Variants in RIMKLB observed in about 807,000 individuals in gnomAD.
The protein encoded by RIMKLB is ribosomal modification protein rimK like family member B.
A neutral mutation model predicts 32.0 loss-of-function variants in RIMKLB; 7 were observed. That is an observed-to-expected ratio of 0.22 (90% confidence interval 0.12 to 0.41). The LOEUF (loss-of-function observed/expected upper bound fraction) is 0.41, where lower values mean the gene tolerates loss of function less well. RIMKLB is among the 10% of genes least tolerant of loss of function. The probability of loss-of-function intolerance (pLI) is 1.00; values close to 1 mark genes in which losing one functional copy is unlikely to be tolerated. For missense variants in RIMKLB, 289 were observed against 498.7 expected, an observed-to-expected ratio of 0.58 and a Z score of 4.00; for synonymous variants, 172 against 185.1, an observed-to-expected ratio of 0.93 and a Z score of 0.57.
chr12:8,769,809 G>A (rs1009662446), intron 5 of RIMKLB, among the ~76,000 whole-genome samples: 1 of 152,006 alleles, frequency 6.6e-6, no homozygotes, highest in Non-Finnish European at 1.5e-5. Context: ...TGAAGTCTTT[G>A]GAATACCTTT....
At chr12:8,708,264 G>A (rs74059969) in intron 1 of RIMKLB, among the ~76,000 whole-genome samples, 5,254 of 152,046 alleles carry the variant, frequency 0.035, 291 homozygotes, top group African/African-American at 0.12. Flanking sequence ...CTTAGTAAGA[G>A]GTACCTTAAT....
upstream of RIMKLB, among the ~76,000 whole-genome samples, chr12:8,676,715 A>G (rs143198400): frequency 9.0e-4 from 137 of 152,116 alleles, 1 homozygote; most frequent in African/African-American, 3.2e-3. Context: ...CTTTTAAATT[A>G]TATTTATTTT....
At chr12:8,672,760 C>T in the RIMKLB span, among the ~76,000 whole-genome samples, 1 of 152,180 alleles carries the variant, frequency 6.6e-6, no homozygotes, top group African/African-American at 2.4e-5. Flanking sequence ...ACCTCCCCGC[C>T]TCCCCGTGCT....
chr12:8,754,336 C>A (rs1673695818), intron 5 of RIMKLB, among the ~76,000 whole-genome samples: 1 of 152,138 alleles, frequency 6.6e-6, no homozygotes, highest in South Asian at 2.1e-4. Flanking sequence ...CAATTTGTAA[C>A]CCAATTTACA....
intron 1 of RIMKLB, among the ~76,000 whole-genome samples, chr12:8,699,534 A>G (rs1411680294): frequency 2.6e-5 from 4 of 152,188 alleles, no homozygotes; most frequent in Admixed American, 6.5e-5. Flanking sequence ...GCAACCCTCT[A>G]ATTTTAAAAA....
At chr12:8,719,840 A>G (rs1294810376) in intron 2 of RIMKLB, among the ~76,000 whole-genome samples, 1 of 152,246 alleles carries the variant, frequency 6.6e-6, no homozygotes, top group African/African-American at 2.4e-5. Flanking sequence ...CATAAAGGAC[A>G]ATGTACAAGG....
the RIMKLB span, among the ~76,000 whole-genome samples, chr12:8,669,712 C>T: frequency 2.6e-5 from 4 of 151,772 alleles, no homozygotes; most frequent in East Asian, 7.7e-4. Flanking sequence ...AGGGACAGGA[C>T]AGAAGGAAGA....
intron 1 of RIMKLB, among the ~76,000 whole-genome samples, chr12:8,703,112 C>G (rs1474511806): frequency 6.6e-6 from 1 of 152,078 alleles, no homozygotes; most frequent in East Asian, 1.9e-4. Flanking sequence ...ATGGCGAAAA[C>G]CCATGTCTAC....
At chr12:8,744,285 T>C (rs1321702533) in intron 2 of RIMKLB, among the ~76,000 whole-genome samples, 1 of 151,918 alleles carries the variant, frequency 6.6e-6, no homozygotes, top group African/African-American at 2.4e-5. Flanking sequence ...ACAGGAGGCA[T>C]TGAATTTCTT....
chr12:8,773,552 G>A lies in RIMKLB; in HGVS notation c.929G>A (p.Gly310Asp), dbSNP rs776230676. Reference protein sequence around the residue: ...ADYAASLLPSGRLTRRMSLLS... With the variant: ...ADYAASLLPSDRLTRRMSLLS... ...TATGCCGCCTCCCTTCTACCCTCTG[G>A]CCGGCTCACCCGGCGTATGTCCCTG... is the stretch of plus-strand genomic sequence containing the variant. The change falls in exon 6 of 6, where the codon GGC (glycine) becomes GAC (aspartate). Residue 310 changes from glycine (G) to aspartate (D), a missense_variant. Coordinates refer to ENST00000535829, the MANE Select transcript of RIMKLB (RefSeq NM_001297776.2). The A allele has an allele frequency of 1.2e-6, 2 of 1,614,204 alleles. No homozygotes were observed. Among genetic ancestry groups the A allele is most frequent in the Non-Finnish European group, 1.7e-6 (2 of 1,180,040 alleles).
At chr12:8,743,382 G>A (rs999415136) in intron 2 of RIMKLB, among the ~76,000 whole-genome samples, 3 of 145,724 alleles carry the variant, frequency 2.1e-5, no homozygotes, top group African/African-American at 8.0e-5. Flanking sequence ...AAAAAATTCC[G>A]GAAGTCCTAA....
chr12:8,738,441 C>G (rs1290899889), intron 2 of RIMKLB, among the ~76,000 whole-genome samples: 1 of 152,134 alleles, frequency 6.6e-6, no homozygotes, highest in Non-Finnish European at 1.5e-5. Context: ...TAATAACGAG[C>G]TGTTTCTTAG....
At chr12:8,687,058 C>T (rs1359418973) in intron 1 of RIMKLB, among the ~76,000 whole-genome samples, 7 of 152,170 alleles carry the variant, frequency 4.6e-5, no homozygotes, top group African/African-American at 1.7e-4. Flanking sequence ...TCATTAAATG[C>T]AGGCTTTCTT....
At chr12:8,755,750 G>T (rs1477899981) in intron 5 of RIMKLB, among the ~76,000 whole-genome samples, 1 of 152,096 alleles carries the variant, frequency 6.6e-6, no homozygotes, top group Non-Finnish European at 1.5e-5. Context: ...GGCTCACACT[G>T]GTAATCCCAA....
At chr12:8,677,936 T>G (rs1351267625), upstream of RIMKLB, among the ~76,000 whole-genome samples, 1 of 94,784 alleles carries the variant, frequency 1.1e-5, no homozygotes, top group East Asian at 1.9e-4. Flanking sequence ...TTTATTATAT[T>G]TATTTATTTA....
chr12:8,718,659 A>ATGTGTGTGTGTGTG (rs1213938637), intron 2 of RIMKLB, among the ~76,000 whole-genome samples: 177 of 119,332 alleles, frequency 1.5e-3, no homozygotes, highest in African/African-American at 5.4e-3. Context: ...CTCTCTATAT[A>ATGTGTGTGTGTGTG]TATATATATA....
intron 1 of RIMKLB, among the ~76,000 whole-genome samples, chr12:8,682,877 C>G (rs935618278): frequency 6.7e-6 from 1 of 149,998 alleles, no homozygotes; most frequent in East Asian, 2.0e-4. Flanking sequence ...CTCAGGTGAT[C>G]CGCCGGCCTC....
At position 8,751,998 on chromosome 12, in the gene RIMKLB, G is replaced by C; in HGVS notation, c.448G>C (p.Val150Leu). ...TGCTAAAATGATTGATGAGGCTGAA[G>C]TTCTGGAGTTCCCAATGGTAGTAAA... is the stretch of plus-strand genomic sequence containing the variant. ...NFAKMIDEAE[V>L]LEFPMVVKNT... The change falls in exon 4 of 6, where the codon GTT (valine) becomes CTT (leucine). Residue 150 changes from valine to leucine, a missense_variant. Val to Leu is a conservative substitution (Grantham distance 32, BLOSUM62 1). This residue lies in a region of RIMKLB where 156 missense variants were observed against 329.5 expected (regional missense o/e 0.47). Transcript: ENST00000535829. 6.2e-7 allele frequency: 1 copy of C among 1,613,756 alleles called. No homozygotes were observed. The highest frequency in any genetic ancestry group is 2.2e-5 in the East Asian group (1 of 44,862).
chr12:8,674,223 T>C, the RIMKLB span, among the ~76,000 whole-genome samples: 1 of 103,674 alleles, frequency 9.6e-6, no homozygotes, highest in Non-Finnish European at 1.8e-5. Context: ...CTCACAATTC[T>C]TTTTTTTTTT....
Sources: gnomAD v4.1 joint callset for allele counts (sites outside exome capture counted in the v4.1 genomes callset) on GRCh38, gnomAD v4.1.1 for gene constraint, gnomAD v4.1.1 regional missense constraint, MANE v1.5 for transcripts, NCBI Gene and HGNC (gene_info 2026-07-23, HGNC 2026-07-21) for gene names.